GRIK1: variants seen among roughly 807,000 people sequenced by gnomAD.
The protein encoded by GRIK1 is glutamate receptor ionotropic, kainate 1.
GRIK1 carries 69 observed loss-of-function variants against 105.7 expected under a neutral mutation model. The ratio of observed to expected loss-of-function variants is 0.65; its 90% CI spans 0.54 to 0.80. The LOEUF (loss-of-function observed/expected upper bound fraction) is 0.80. Among genes scored for constraint, GRIK1 ranks in the 30% least tolerant of loss-of-function variants. The probability of loss-of-function intolerance (pLI) is 0.00; values close to 1 mark genes in which losing one functional copy is unlikely to be tolerated. For missense variants in GRIK1, 1,109 were observed against 1,167.3 expected (o/e 0.95, Z 0.73); for synonymous variants, 438 against 431.3 (o/e 1.02, Z -0.19).
intron 1 of GRIK1, among the ~76,000 whole-genome samples, chr21:29,815,014 T>C (rs922713039): frequency 1.3e-5 from 2 of 152,150 alleles, no homozygotes; most frequent in African/African-American, 4.8e-5. Flanking sequence ...TTGTTTTGAG[T>C]ATTAAATGAG....
intron 13 of GRIK1, among the ~76,000 whole-genome samples, chr21:29,578,562 T>G (rs750972253): frequency 3.3e-5 from 5 of 152,200 alleles, no homozygotes; most frequent in Non-Finnish European, 7.3e-5. Context: ...CTATTACGTA[T>G]CTTTGTGTTT....
At chr21:29,760,828 G>T (rs1052144695) in intron 1 of GRIK1, among the ~76,000 whole-genome samples, 18 of 152,144 alleles carry the variant, frequency 1.2e-4, no homozygotes, top group African/African-American at 4.3e-4. Context: ...ATCTGTAGAT[G>T]TCTGTCAGTG....
chr21:29,774,200 C>T (rs2065884811), intron 1 of GRIK1, among the ~76,000 whole-genome samples: 1 of 152,138 alleles, frequency 6.6e-6, no homozygotes, highest in African/African-American at 2.4e-5. Context: ...GGTTCATCAA[C>T]AGAAAGCACT....
At chr21:29,541,126 C>G (rs187201869) in intron 16 of GRIK1, among the ~76,000 whole-genome samples, 1 of 152,144 alleles carries the variant, frequency 6.6e-6, no homozygotes. Context: ...CGCCACCACA[C>G]GCGGCTAATT....
intron 1 of GRIK1, among the ~76,000 whole-genome samples, chr21:29,721,985 A>T (rs1282833745): frequency 1.3e-5 from 2 of 152,220 alleles, no homozygotes; most frequent in Non-Finnish European, 2.9e-5. Context: ...CAATAAAATT[A>T]TTAACAATGT....
At chr21:29,786,738 G>A (rs558148281) in intron 1 of GRIK1, among the ~76,000 whole-genome samples, 4 of 152,146 alleles carry the variant, frequency 2.6e-5, no homozygotes, top group South Asian at 4.2e-4. Context: ...CAAAGCACTC[G>A]CCAGCCCAGC....
chr21:29,606,481 A>G (rs1568877580), intron 7 of GRIK1, among the ~76,000 whole-genome samples: 1 of 151,996 alleles, frequency 6.6e-6, no homozygotes, highest in Non-Finnish European at 1.5e-5. Context: ...TTTTTACAGC[A>G]AGCTTTATCA....
intron 1 of GRIK1, among the ~76,000 whole-genome samples, chr21:29,775,342 G>C (rs960197312): frequency 7.3e-5 from 11 of 149,816 alleles, no homozygotes; most frequent in African/African-American, 2.7e-4. Context: ...TTAAACCATT[G>C]AAGAATCAAG....
chr21:29,769,697 C>G (rs902883833), intron 1 of GRIK1, among the ~76,000 whole-genome samples: 35 of 151,988 alleles, frequency 2.3e-4, no homozygotes, highest in Non-Finnish European at 5.1e-4. Context: ...CGGTCTATGC[C>G]CCTGTGGGAC....
At chr21:29,683,029 A>G (rs190730798) in intron 3 of GRIK1, among the ~76,000 whole-genome samples, 3 of 152,374 alleles carry the variant, frequency 2.0e-5, no homozygotes, top group Admixed American at 1.3e-4. Context: ...AGCATATGAA[A>G]AAATGCTCAT....
chr21:29,622,983 G>A (rs1375271347), intron 7 of GRIK1, among the ~76,000 whole-genome samples: 1 of 152,142 alleles, frequency 6.6e-6, no homozygotes, highest in Non-Finnish European at 1.5e-5. Context: ...ATAAGAAGGA[G>A]GATGATGGAA....
At chr21:29,698,558 T>G (rs1276525092) in intron 1 of GRIK1, among the ~76,000 whole-genome samples, 1 of 152,228 alleles carries the variant, frequency 6.6e-6, no homozygotes, top group East Asian at 1.9e-4. Flanking sequence ...ATGTTCTCTT[T>G]CATTGCTCGT....
chr21:29,749,256 C>T (rs1264073539), intron 1 of GRIK1: 3 of 152,138 alleles, frequency 2.0e-5, no homozygotes, highest in East Asian at 1.9e-4. Context: ...TTGCATGTTA[C>T]AGTGGATATT....
At chr21:29,818,162 G>A (rs902672643) in intron 1 of GRIK1, among the ~76,000 whole-genome samples, 4 of 152,072 alleles carry the variant, frequency 2.6e-5, no homozygotes, top group African/African-American at 9.7e-5. Flanking sequence ...GTGAATCCCA[G>A]CCATTCCATA....
rs138563458 is a variant in GRIK1, at chr21:29,795,722, A to G, written c.119-101659T>C. Among the ~76,000 whole-genome samples the G allele has an allele frequency of 8.9e-3, 1,349 of 152,322 alleles. 12 individuals are homozygous for G. Among genetic ancestry groups the G allele is most frequent in the Admixed American group, 0.023 (353 of 15,300 alleles). On this transcript the variant is annotated intron_variant, in intron 1 of 17. Coordinates refer to ENST00000327783, the MANE Select transcript of GRIK1 (RefSeq NM_001330994.2). ...ACTTCCTACACAGAAATAACTTTTG[A>G]TGACTCTGTGAACAGATAAAGGCTC...
At chr21:29,578,657 A>G (rs189663393) in intron 13 of GRIK1, among the ~76,000 whole-genome samples, 1 of 152,312 alleles carries the variant, frequency 6.6e-6, no homozygotes, top group Admixed American at 6.5e-5. Flanking sequence ...GTAATATTAC[A>G]CAGACTTATA....
At chr21:29,614,402 C>CTTTTTTT (rs35063316) in intron 7 of GRIK1, among the ~76,000 whole-genome samples, 2 of 83,070 alleles carry the variant, frequency 2.4e-5, no homozygotes, top group Non-Finnish European at 4.5e-5. Flanking sequence ...TAAAATCCCT[C>CTTTTTTT]TTTTTTTTTT....
Position 29,753,223 on chromosome 21 carries a change from G to A in GRIK1, c.119-59160C>T, listed in dbSNP as rs933232283. Among the ~76,000 whole-genome samples, 17 of 152,106 alleles carry A rather than the reference G, an allele frequency of 1.1e-4. 1 individual carries two copies. Among genetic ancestry groups the A allele is most frequent in the Admixed American group, 5.9e-4 (9 of 15,278 alleles). On this transcript the variant is annotated intron_variant, in intron 1 of 17. Coordinates refer to ENST00000327783, the MANE Select transcript of GRIK1 (RefSeq NM_001330994.2). ...TTTTATAAAATAAATTATCTAGTGCGATGAAACAAAGGATAGTCTCTTCTT... is the reference window on the plus strand; with the variant it reads ...TTTTATAAAATAAATTATCTAGTGCAATGAAACAAAGGATAGTCTCTTCTT...
At chr21:29,898,886 C>A (rs985593893) in intron 1 of GRIK1, among the ~76,000 whole-genome samples, 1 of 151,836 alleles carries the variant, frequency 6.6e-6, no homozygotes, top group African/African-American at 2.4e-5. Context: ...GCAGGAGAAT[C>A]GCTTGAACCT....
Sources: gnomAD v4.1 joint callset for allele counts (sites outside exome capture counted in the v4.1 genomes callset) on GRCh38, gnomAD v4.1.1 for gene constraint, MANE v1.5 for transcripts, NCBI Gene and HGNC (gene_info 2026-07-23, HGNC 2026-07-21) for gene names.